The following REST variants were observed in gnomAD, a reference collection of about 807,000 sequenced individuals.
REST encodes the protein RE1 silencing transcription factor, also known as RE1-silencing transcription factor.
A neutral mutation model predicts 30.4 loss-of-function variants in REST; 1 was observed. The ratio of observed to expected loss-of-function variants is 0.03; its 90% CI spans 0.01 to 0.16. The LOEUF (loss-of-function observed/expected upper bound fraction) is 0.16. Among genes scored for constraint, REST ranks in the 10% least tolerant of loss-of-function variants. The probability of loss-of-function intolerance (pLI) is 1.00; values close to 1 mark genes in which losing one functional copy is unlikely to be tolerated. For missense variants in REST, 1,259 were observed against 1,329.5 expected (o/e 0.95, Z 0.82); for synonymous variants, 504 against 451.1 (o/e 1.12, Z -1.49).
chr4:56,918,755 A>T (rs1720316424), intron 2 of REST, among the ~76,000 whole-genome samples: 1 of 151,854 alleles, frequency 6.6e-6, no homozygotes, highest in South Asian at 2.1e-4. Flanking sequence ...CACCAGCCTC[A>T]TCCTTCTTGG....
At chr4:56,924,405 C>A (rs1720587547) in intron 3 of REST, among the ~76,000 whole-genome samples, 1 of 152,180 alleles carries the variant, frequency 6.6e-6, no homozygotes, top group South Asian at 2.1e-4. Flanking sequence ...TCAGAAACAC[C>A]TTGCCCTTTC....
rs1315079152 is a variant in REST, at chr4:56,933,787, T to C, written c.*1635T>C. The C allele has an allele frequency of 1.3e-5, 2 of 152,228 alleles. No individual in the cohort carries two copies. Among genetic ancestry groups the C allele is most frequent in the Admixed American group, 1.3e-4 (2 of 15,270 alleles). The allele number at this position is 152,228 out of a possible 1,614,324, so 9.4% of individuals were successfully genotyped here. ...TCATTCATTGCAGTAAAATAAAATATGATCCCATTAGGGAATCTTGAATTC... is the reference window on the plus strand; with the variant it reads ...TCATTCATTGCAGTAAAATAAAATACGATCCCATTAGGGAATCTTGAATTC... On this transcript the variant is annotated 3_prime_UTR_variant, in exon 4 of 4. Coordinates refer to ENST00000309042, the MANE Select transcript of REST (RefSeq NM_005612.5).
At chr4:56,920,790 G>C (rs1304738425) in intron 3 of REST, among the ~76,000 whole-genome samples, 1 of 152,132 alleles carries the variant, frequency 6.6e-6, no homozygotes, top group African/African-American at 2.4e-5. Flanking sequence ...AAGTTAAAAA[G>C]TAATGTTAGC....
At chr4:56,919,156 C>T (rs945674703) in intron 2 of REST, among the ~76,000 whole-genome samples, 7 of 151,970 alleles carry the variant, frequency 4.6e-5, no homozygotes, top group African/African-American at 1.5e-4. Context: ...CTACCAGCCT[C>T]AGCCTCCCAA....
intron 3 of REST, 38 bp from the exon 4 acceptor site, chr4:56,929,803 A>T (rs765189916): frequency 1.3e-6 from 2 of 1,546,724 alleles, no homozygotes; most frequent in Admixed American, 4.3e-5. Flanking sequence ...AATTTGTCTT[A>T]ATCTATGTCT....
chr4:56,932,309 G>T lies in REST; in HGVS notation c.*157G>T. ...TCCTTAGGACTTTTTATGTATACCT[G>T]TTGATTGTTGTGTAAATTTTAGTAA... On this transcript the variant is annotated 3_prime_UTR_variant, in exon 4 of 4. Transcript: ENST00000309042. 1 of 715,528 alleles carries T rather than the reference G, an allele frequency of 1.4e-6. No individual in the cohort carries two copies. The highest frequency in any genetic ancestry group is 2.2e-6 in the Non-Finnish European group (1 of 450,414). The allele number at this position is 715,528 out of a possible 1,614,324, so 44.3% of individuals were successfully genotyped here.
Position 56,931,495 on chromosome 4 carries a change from C to A in REST, c.2637C>A (p.Asp879Glu). ...ATTTAAGAGAAGAGGCATCAGGAGA[C>A]CAAAAATTACTCAACACAGGTGAAG... ...KENLREEASGDQKLLNTGEGN... is the reference protein window; with the variant it reads ...KENLREEASGEQKLLNTGEGN... Residue 879 changes from aspartate (D) to glutamate (E), a missense_variant, in exon 4 of 4, where the codon GAC becomes GAA. Physicochemically the swap from Asp to Glu is conservative, Grantham distance 45 (BLOSUM62 2). This residue lies in a region of REST where 856 missense variants were observed against 772.8 expected (regional missense o/e 1.11). Coordinates refer to ENST00000309042, the MANE Select transcript of REST (RefSeq NM_005612.5). 1 of 1,614,068 alleles carries A rather than the reference C, an allele frequency of 6.2e-7. No individual in the cohort carries two copies. Among genetic ancestry groups the A allele is most frequent in the African/African-American group, 1.3e-5 (1 of 75,004 alleles).
intron 3 of REST, among the ~76,000 whole-genome samples, chr4:56,921,403 T>C (rs1488373645): frequency 6.6e-6 from 1 of 152,114 alleles, no homozygotes; most frequent in East Asian, 1.9e-4. Flanking sequence ...TTAAATTTTA[T>C]TTTATTATTA....
rs991222298 is a variant in REST at position 56,921,465 on chromosome 4, G to T, written c.982+1595G>T. Among the ~76,000 whole-genome samples the T allele has an allele frequency of 1.1e-4, 17 of 151,976 alleles. No homozygotes were observed. The South Asian group carries it at 3.3e-3, about 30-fold the overall frequency. ...GCTGTATCCCCCAGGCTGGAGTGCA[G>T]TGGCGCGCATCTCAGCTCACTGCAA... On this transcript the variant is annotated intron_variant, in intron 3 of 3. Coordinates refer to ENST00000309042, the MANE Select transcript of REST (RefSeq NM_005612.5).
intron 2 of REST, among the ~76,000 whole-genome samples, chr4:56,915,173 G>A (rs967287630): frequency 1.3e-5 from 2 of 149,130 alleles, no homozygotes; most frequent in Non-Finnish European, 3.0e-5. Context: ...TCCACCCGCC[G>A]CGGCCTCCCA....
At chr4:56,920,929 G>C (rs750449522) in intron 3 of REST, among the ~76,000 whole-genome samples, 34 of 151,998 alleles carry the variant, frequency 2.2e-4, no homozygotes, top group Non-Finnish European at 4.6e-4. Flanking sequence ...GCAGTAGTGC[G>C]ATCTCAGCTC....
At chr4:56,912,634 C>G (rs1301669062) in intron 2 of REST, among the ~76,000 whole-genome samples, 1 of 152,104 alleles carries the variant, frequency 6.6e-6, no homozygotes, top group African/African-American at 2.4e-5. Context: ...CCTGCCTCAG[C>G]CTCCTGAGTG....
Position 56,924,275 on chromosome 4 carries a change from C to T in REST, c.982+4405C>T, listed in dbSNP as rs765157965. ...GTCTTTGTAGAATAAATTTTAAAAA[C>T]TATTTTATTGAGATATAATTTATAA... On this transcript the variant is annotated intron_variant, in intron 3 of 3. Transcript: ENST00000309042. 3.9e-4 allele frequency among the ~76,000 whole-genome samples: 60 copies of T among 152,146 alleles called. 1 individual carries two copies. The highest frequency in any genetic ancestry group is 1.4e-3 in the Admixed American group (21 of 15,274).
Position 56,911,211 on chromosome 4 carries a change from T to C in REST, c.573T>C (p.Ser191=). 6.2e-7 allele frequency: 1 copy of C among 1,613,908 alleles called. No homozygotes were observed. Among genetic ancestry groups the C allele is most frequent in the Non-Finnish European group, 8.5e-7 (1 of 1,179,986 alleles). Residue 191 remains serine, a synonymous_variant, in exon 2 of 4, where the codon AGT becomes AGC. Coordinates refer to ENST00000309042, the MANE Select transcript of REST (RefSeq NM_005612.5). ...CTAAGAAATTTTTTGTGGAAGAGAG[T>C]GCAGAGAAGCAGGCAAAAGCCAGGG... The part of the protein sequence containing the change: ...HSAKKFFVEE[S]AEKQAKARES...
chr4:56,927,932 G>C (rs960808905), intron 3 of REST, among the ~76,000 whole-genome samples: 3 of 152,164 alleles, frequency 2.0e-5, no homozygotes, highest in African/African-American at 7.2e-5. Flanking sequence ...AATTTACTCA[G>C]CTCTTGCCAT....
rs111927222 is a variant in REST, at chr4:56,923,535, C to T, written c.982+3665C>T. 3.3e-3 allele frequency among the ~76,000 whole-genome samples: 504 copies of T among 152,112 alleles called. 1 individual carries two copies. Among genetic ancestry groups the T allele is most frequent in the Middle Eastern group, 6.8e-3 (2 of 294 alleles). On this transcript the variant is annotated intron_variant, in intron 3 of 3. Transcript: ENST00000309042. ...CTCGGCTCACTGCAACTTCTACCTC[C>T]CGGGTTCAAGCTATAGAATCTTCCT...
chr4:56,927,735 A>G (rs1720776589), intron 3 of REST: 2 of 607,554 alleles, frequency 3.3e-6, no homozygotes, highest in African/African-American at 2.0e-5. Flanking sequence ...TTTTTTATGT[A>G]TCAGTGATTG....
At chr4:56,922,357 A>G (rs1214407406) in intron 3 of REST, 1 of 146,792 alleles carries the variant, frequency 6.8e-6, no homozygotes, top group Non-Finnish European at 1.5e-5. Flanking sequence ...CTTGTTGCCC[A>G]GGCTGGAATA....
chr4:56,935,020 T>TA lies in REST; in HGVS notation c.*2868_*2869insA, dbSNP rs1283236912. 6.6e-6 allele frequency: 1 copy of TA among 152,024 alleles called. No individual in the cohort carries two copies. Among genetic ancestry groups the TA allele is most frequent in the Non-Finnish European group, 1.5e-5 (1 of 68,000 alleles). 9.4% of individuals were successfully genotyped at this position (152,024 alleles called of 1,614,324 possible). Reference sequence around the variant, plus strand: ...TCACAAAGGGCTGCATTTTTTTTTTTTTTTAATAAGGCTTATAACTATGGC... The same window carrying TA: ...TCACAAAGGGCTGCATTTTTTTTTTTATTTTAATAAGGCTTATAACTATGGC... On this transcript the variant is annotated 3_prime_UTR_variant, in exon 4 of 4. Coordinates refer to ENST00000309042, the MANE Select transcript of REST (RefSeq NM_005612.5).
Sources: gnomAD v4.1 joint callset for allele counts (sites outside exome capture counted in the v4.1 genomes callset) on GRCh38, gnomAD v4.1.1 for gene constraint, gnomAD v4.1.1 regional missense constraint, MANE v1.5 for transcripts, NCBI Gene and HGNC (gene_info 2026-07-23, HGNC 2026-07-21) for gene names.